Variants in ATXN1 observed in about 807,000 individuals in gnomAD.
ATXN1 encodes ataxin 1, also known as ataxin-1.
Under a neutral mutation model 56.4 loss-of-function variants are expected in ATXN1, and 8 were observed. The ratio of observed to expected loss-of-function variants is 0.14; its 90% CI spans 0.08 to 0.26. The LOEUF (loss-of-function observed/expected upper bound fraction) is 0.26, where lower values mean the gene tolerates loss of function less well. Ranked by LOEUF, ATXN1 falls within the 10% of genes least tolerant of loss-of-function variation. The probability of loss-of-function intolerance (pLI) is 1.00; values close to 1 mark genes in which losing one functional copy is unlikely to be tolerated. For missense variants in ATXN1, 987 were observed against 1,106.5 expected (o/e 0.89, Z 1.53); for synonymous variants, 514 against 494.6 (o/e 1.04, Z -0.52).
At chr6:16,440,717 C>A (rs1410490278) in intron 6 of ATXN1, among the ~76,000 whole-genome samples, 2 of 151,028 alleles carry the variant, frequency 1.3e-5, no homozygotes, top group East Asian at 3.9e-4. Flanking sequence ...TCAAAGGTAG[C>A]ACAGTTTAAA....
At chr6:16,423,235 C>G (rs912857679) in intron 6 of ATXN1, among the ~76,000 whole-genome samples, 4 of 152,176 alleles carry the variant, frequency 2.6e-5, no homozygotes, top group East Asian at 3.8e-4. Context: ...CATGATTTCA[C>G]TTTGTTCCCA....
At chr6:16,361,273 G>C (rs960219953) in intron 6 of ATXN1, among the ~76,000 whole-genome samples, 5 of 152,124 alleles carry the variant, frequency 3.3e-5, no homozygotes, top group Admixed American at 3.3e-4. Flanking sequence ...AGAAAAGAGA[G>C]GGATGAGAGA....
intron 6 of ATXN1, among the ~76,000 whole-genome samples, chr6:16,457,765 C>T (rs1438903772): frequency 6.6e-6 from 1 of 152,186 alleles, no homozygotes; most frequent in Non-Finnish European, 1.5e-5. Flanking sequence ...TCCTAGCCTC[C>T]CTACAGCTCC....
At chr6:16,642,182 T>A (rs1054543398) in intron 3 of ATXN1, among the ~76,000 whole-genome samples, 2 of 152,110 alleles carry the variant, frequency 1.3e-5, no homozygotes, top group African/African-American at 4.8e-5. Context: ...GGTCCGGAGA[T>A]AGAGGCCATC....
intron 2 of ATXN1, chr6:16,737,206 T>G (rs1173143912): frequency 6.6e-6 from 1 of 152,234 alleles, no homozygotes; most frequent in African/African-American, 2.4e-5. Flanking sequence ...GTTCAGAAAC[T>G]TTGCTCTATT....
intron 3 of ATXN1, among the ~76,000 whole-genome samples, chr6:16,623,186 C>T (rs57763404): frequency 0.26 from 39,160 of 152,038 alleles, 5,161 homozygotes; most frequent in East Asian, 0.34. Flanking sequence ...CTCCATGTCT[C>T]GTGGTATACA....
At chr6:16,395,654 T>C (rs973134959) in intron 6 of ATXN1, among the ~76,000 whole-genome samples, 1 of 152,226 alleles carries the variant, frequency 6.6e-6, no homozygotes, top group Non-Finnish European at 1.5e-5. Flanking sequence ...ATGACTATGT[T>C]ACTGGTTTGT....
chr6:16,325,818 T>G (rs1760790100), intron 7 of ATXN1, among the ~76,000 whole-genome samples: 1 of 152,126 alleles, frequency 6.6e-6, no homozygotes, highest in South Asian at 2.1e-4. Context: ...AGTGCAGTGA[T>G]AGTCACAGGT....
At chr6:16,364,339 T>G (rs1761872560) in intron 6 of ATXN1, among the ~76,000 whole-genome samples, 1 of 152,094 alleles carries the variant, frequency 6.6e-6, no homozygotes, top group African/African-American at 2.4e-5. Flanking sequence ...GGAGGCTCGT[T>G]CTGTCGCCAG....
At chr6:16,375,306 C>CT (rs1056194944) in intron 6 of ATXN1, among the ~76,000 whole-genome samples, 4 of 152,198 alleles carry the variant, frequency 2.6e-5, no homozygotes, top group African/African-American at 9.7e-5. Flanking sequence ...CAGAAAACTC[C>CT]TTTTTTTCAA....
chr6:16,692,767 A>C (rs950523838), intron 2 of ATXN1, among the ~76,000 whole-genome samples: 4 of 152,306 alleles, frequency 2.6e-5, no homozygotes, highest in Non-Finnish European at 5.9e-5. Context: ...TCCATGTTCT[A>C]TATTTTCACT....
At chr6:16,358,364 C>T (rs1024995628) in intron 6 of ATXN1, among the ~76,000 whole-genome samples, 2 of 152,200 alleles carry the variant, frequency 1.3e-5, no homozygotes, top group Admixed American at 1.3e-4. Flanking sequence ...TGCATGTTTA[C>T]AGCAGCACAA....
At chr6:16,350,201 C>T (rs1189413024) in intron 6 of ATXN1, among the ~76,000 whole-genome samples, 1 of 152,200 alleles carries the variant, frequency 6.6e-6, no homozygotes. Context: ...TCTATACTAG[C>T]ACTGTGGACG....
At chr6:16,714,188 C>T (rs1255375448) in intron 2 of ATXN1, among the ~76,000 whole-genome samples, 1 of 124,370 alleles carries the variant, frequency 8.0e-6, no homozygotes, top group Non-Finnish European at 1.7e-5. Flanking sequence ...ACACCACACA[C>T]ACACACACAC....
At chr6:16,341,877 ATTTTTT>A (rs34092584) in intron 6 of ATXN1, among the ~76,000 whole-genome samples, 26 of 86,858 alleles carry the variant, frequency 3.0e-4, no homozygotes, top group Middle Eastern at 0.011. Context: ...TGTCTCAGTG[ATTTTTT>A]TTTTTTTTTT....
intron 5 of ATXN1, among the ~76,000 whole-genome samples, chr6:16,516,986 A>G (rs1761195015): frequency 2.0e-5 from 3 of 152,326 alleles, no homozygotes; most frequent in South Asian, 2.1e-4. Flanking sequence ...ATAACTGATG[A>G]CTTGATATTT....
chr6:16,717,157 G>T (rs558795536), intron 2 of ATXN1, among the ~76,000 whole-genome samples: 1 of 152,356 alleles, frequency 6.6e-6, no homozygotes, highest in African/African-American at 2.4e-5. Context: ...TTTAAGAAAA[G>T]ACTGTGTCCT....
At chr6:16,651,416 C>T (rs1418989344) in intron 3 of ATXN1, among the ~76,000 whole-genome samples, 2 of 152,040 alleles carry the variant, frequency 1.3e-5, no homozygotes, top group Non-Finnish European at 2.9e-5. Context: ...TGGTGGTGCG[C>T]ACCTGTAATC....
chr6:16,615,987 C>T (rs1297200056), intron 3 of ATXN1: 1 of 151,682 alleles, frequency 6.6e-6, no homozygotes, highest in Admixed American at 6.6e-5. Context: ...GAGCCAAGAT[C>T]GTGCGCCACT....
Sources: gnomAD v4.1 joint callset for allele counts (sites outside exome capture counted in the v4.1 genomes callset) on GRCh38, gnomAD v4.1.1 for gene constraint, MANE v1.5 for transcripts, NCBI Gene and HGNC (gene_info 2026-07-23, HGNC 2026-07-21) for gene names.